Variants in GRM5 observed in about 807,000 individuals in gnomAD.
GRM5 encodes the protein metabotropic glutamate receptor 5.
A neutral mutation model predicts 83.1 loss-of-function variants in GRM5; 19 were observed. The observed-to-expected ratio is 0.23, with a 90% CI of 0.16 to 0.34. The LOEUF (loss-of-function observed/expected upper bound fraction) is 0.34. Ranked by LOEUF, GRM5 falls within the 10% of genes least tolerant of loss-of-function variation. GRM5 has a pLI of 1.00. For synonymous variants in GRM5, 675 were observed against 633.6 expected (o/e 1.07, Z -0.98); for missense variants, 1,160 against 1,588.3 (o/e 0.73, Z 4.58).
chr11:88,825,938 G>A (rs553980272), intron 3 of GRM5, among the ~76,000 whole-genome samples: 1 of 152,228 alleles, frequency 6.6e-6, no homozygotes, highest in South Asian at 2.1e-4. Flanking sequence ...CATGTTCTAA[G>A]TAAGAAATAA....
chr11:88,994,505 T>C (rs1216429436), intron 2 of GRM5, among the ~76,000 whole-genome samples: 4 of 140,934 alleles, frequency 2.8e-5, no homozygotes, highest in Admixed American at 1.4e-4. Flanking sequence ...CTGCAAAGTA[T>C]TGATATGACA....
chr11:88,633,845 A>T (rs552083654), intron 4 of GRM5, among the ~76,000 whole-genome samples: 1 of 152,322 alleles, frequency 6.6e-6, no homozygotes, highest in East Asian at 1.9e-4. Context: ...GTTAATTTTT[A>T]TATACATTCA....
At chr11:88,626,673 A>G (rs1938805658) in intron 4 of GRM5, among the ~76,000 whole-genome samples, 1 of 152,176 alleles carries the variant, frequency 6.6e-6, no homozygotes, top group African/African-American at 2.4e-5. Context: ...AATATGTTGA[A>G]GAAACTCTAA....
intron 1 of GRM5, among the ~76,000 whole-genome samples, chr11:89,058,800 C>G (rs1039235502): frequency 7.2e-5 from 11 of 152,166 alleles, no homozygotes; most frequent in African/African-American, 2.2e-4. Flanking sequence ...CTACGATATA[C>G]TTCCCGAATT....
At chr11:88,956,731 G>A (rs150176937) in intron 2 of GRM5, among the ~76,000 whole-genome samples, 2,511 of 152,306 alleles carry the variant, frequency 0.016, 71 homozygotes, top group African/African-American at 0.058. Context: ...GCGTGAACCC[G>A]GAAGGCGGAA....
At chr11:88,963,070 A>T (rs1938832303) in intron 2 of GRM5, among the ~76,000 whole-genome samples, 1 of 152,216 alleles carries the variant, frequency 6.6e-6, no homozygotes, top group African/African-American at 2.4e-5. Context: ...CAGCCTGGTG[A>T]CAGAACAAGG....
chr11:88,593,820 G>A (rs1482285243), intron 6 of GRM5, among the ~76,000 whole-genome samples: 1 of 127,938 alleles, frequency 7.8e-6, no homozygotes, highest in Non-Finnish European at 1.6e-5. Flanking sequence ...TTTTGACGTA[G>A]TCTCACTCTG....
At position 88,509,166 on chromosome 11, in the gene GRM5, A is replaced by T; in HGVS notation, c.3065T>A (p.Ile1022Asn). Residue 1022 changes from isoleucine (I) to asparagine (N), a missense_variant, in exon 10 of 10, where the codon ATC becomes AAC. Physicochemically the swap from Ile to Asn is moderately radical, Grantham distance 149. Around this residue, in one of 9 missense-constraint regions of GRM5, gnomAD observed 562 missense variants for 532.4 expected, o/e 1.06. Transcript: ENST00000305447. Reference sequence around the variant, plus strand: ...GCCCGCGCGGTGGCTCAGCGTGCTGATGGGCGACGGTGAGCGCGGCCGCGC... The same window carrying T: ...GCCCGCGCGGTGGCTCAGCGTGCTGTTGGGCGACGGTGAGCGCGGCCGCGC... ...APARPRSPSPISTLSHRAGSA... is the reference protein window; with the variant it reads ...APARPRSPSPNSTLSHRAGSA... The T allele has an allele frequency of 6.5e-7, 1 of 1,537,764 alleles. No individual in the cohort carries two copies. Among genetic ancestry groups the T allele is most frequent in the East Asian group, 2.5e-5 (1 of 40,182 alleles).
At chr11:88,615,715 TG>T (rs1938459882) in intron 4 of GRM5, among the ~76,000 whole-genome samples, 2 of 151,956 alleles carry the variant, frequency 1.3e-5, no homozygotes, top group Non-Finnish European at 2.9e-5. Flanking sequence ...TTTTTTAAAT[TG>T]GGGCCAGATG....
At chr11:88,717,893 A>C (rs1941436518) in intron 3 of GRM5, among the ~76,000 whole-genome samples, 1 of 151,880 alleles carries the variant, frequency 6.6e-6, no homozygotes, top group Admixed American at 6.6e-5. Context: ...ATAATTACGT[A>C]TTAATAATTA....
At chr11:88,773,217 T>C (rs1942777493) in intron 3 of GRM5, among the ~76,000 whole-genome samples, 1 of 152,248 alleles carries the variant, frequency 6.6e-6, no homozygotes, top group Admixed American at 6.5e-5. Flanking sequence ...TGAGCATTTT[T>C]TCATGTGTCT....
intron 3 of GRM5, among the ~76,000 whole-genome samples, chr11:88,797,560 A>G (rs1267281108): frequency 6.6e-6 from 1 of 152,232 alleles, no homozygotes; most frequent in Non-Finnish European, 1.5e-5. Context: ...AAATTATTCT[A>G]ATTTGCTTGA....
chr11:88,835,955 A>T (rs2135525072), intron 3 of GRM5, among the ~76,000 whole-genome samples: 1 of 152,268 alleles, frequency 6.6e-6, no homozygotes, highest in Non-Finnish European at 1.5e-5. Flanking sequence ...GAATCACGGC[A>T]TTCAAGCCTG....
chr11:88,964,539 C>T (rs1166945041), intron 2 of GRM5, among the ~76,000 whole-genome samples: 2 of 152,152 alleles, frequency 1.3e-5, no homozygotes, highest in African/African-American at 2.4e-5. Context: ...GGACAGCCAA[C>T]TGTCCACCAA....
intron 2 of GRM5, among the ~76,000 whole-genome samples, chr11:88,954,278 A>G (rs1938543656): frequency 6.6e-6 from 1 of 152,168 alleles, no homozygotes. Flanking sequence ...AAATTAGTTA[A>G]GAATTCAAAA....
intron 2 of GRM5, among the ~76,000 whole-genome samples, chr11:89,030,177 C>T (rs1367265514): frequency 6.6e-6 from 1 of 152,066 alleles, no homozygotes; most frequent in African/African-American, 2.4e-5. Flanking sequence ...TAATGTACTT[C>T]CTAAATGATA....
intron 3 of GRM5, among the ~76,000 whole-genome samples, chr11:88,671,036 G>C (rs1422240607): frequency 6.6e-6 from 1 of 151,884 alleles, no homozygotes; most frequent in Non-Finnish European, 1.5e-5. Context: ...CGCCATCTTG[G>C]ACAAGCCCCT....
At chr11:88,845,029 A>G (rs1330333283) in intron 3 of GRM5, among the ~76,000 whole-genome samples, 1 of 152,250 alleles carries the variant, frequency 6.6e-6, no homozygotes, top group Non-Finnish European at 1.5e-5. Flanking sequence ...AACTTAGTAG[A>G]TAAAGCAGTG....
At chr11:88,765,356 T>G (rs902314127) in intron 3 of GRM5, among the ~76,000 whole-genome samples, 4 of 135,806 alleles carry the variant, frequency 2.9e-5, no homozygotes, top group Non-Finnish European at 4.7e-5. Context: ...CTAAAATTAA[T>G]ATGGAATTTC....
Sources: gnomAD v4.1 joint callset for allele counts (sites outside exome capture counted in the v4.1 genomes callset) on GRCh38, gnomAD v4.1.1 for gene constraint, gnomAD v4.1.1 regional missense constraint, MANE v1.5 for transcripts, NCBI Gene and HGNC (gene_info 2026-07-23, HGNC 2026-07-21) for gene names.